MTOR: variants seen among roughly 807,000 people sequenced by gnomAD.
The protein encoded by MTOR is serine/threonine-protein kinase mTOR.
Under a neutral mutation model 319.8 loss-of-function variants are expected in MTOR, and 70 were observed. The ratio of observed to expected loss-of-function variants is 0.22; its 90% CI spans 0.18 to 0.27. The LOEUF is 0.27. MTOR is among the 10% of genes least tolerant of loss of function. The pLI is 1.00. For synonymous variants in MTOR, 1,183 were observed against 1,211.4 expected (o/e 0.98, Z 0.49); for missense variants, 1,890 against 3,274.4 (o/e 0.58, Z 10.32).
rs145398961 is a variant in MTOR at position 11,114,430 on chromosome 1, G to A, written c.7188C>T (p.Tyr2396=). ...CCATCACTGTGTGGCATGTGATTCTGTAGTTGCCATCCAGGCCTGTAACCT... is the reference window on the plus strand; with the variant it reads ...CCATCACTGTGTGGCATGTGATTCTATAGTTGCCATCCAGGCCTGTAACCT... The part of the protein sequence containing the change: ...AMEVTGLDGN[Y]RITCHTVMEV... The change falls in exon 53 of 58, where the codon TAC becomes TAT. Residue 2396 remains tyrosine, a synonymous_variant. Coordinates refer to ENST00000361445, the MANE Select transcript of MTOR (RefSeq NM_004958.4). 1.1e-5 allele frequency: 17 copies of A among 1,614,050 alleles called. No homozygotes were observed. The highest frequency in any genetic ancestry group is 6.7e-5 in the Admixed American group (4 of 60,002).
At chr1:11,187,002 T>A (rs1285238486) in intron 28 of MTOR, among the ~76,000 whole-genome samples, 2 of 152,178 alleles carry the variant, frequency 1.3e-5, no homozygotes, top group Non-Finnish European at 2.9e-5. Context: ...ATGCTTCCAA[T>A]ACAAACTTAC....
rs577414101 is a variant in MTOR at position 11,196,859 on chromosome 1, AAAAAG to A, written c.4253+2394_4253+2398del. 1.1e-4 allele frequency among the ~76,000 whole-genome samples: 17 copies of A among 151,802 alleles called. No homozygotes were observed. In the South Asian group the frequency reaches 1.7e-3, roughly 15 times the overall value. On this transcript the variant is annotated intron_variant, in intron 28 of 57. Transcript: ENST00000361445. ...GAGCGCGACTCCATCTAAAAAAAAA[AAAAAG>A]AAAAGAAAAGAAAAGAAATAGCTGA... is the stretch of plus-strand genomic sequence containing the variant.
At chr1:11,135,441 G>A (rs926263855) in intron 36 of MTOR, among the ~76,000 whole-genome samples, 2 of 152,212 alleles carry the variant, frequency 1.3e-5, no homozygotes, top group Non-Finnish European at 2.9e-5. Context: ...AAGAGGCAAT[G>A]TGTTCTGTGC....
chr1:11,146,669 T>C lies in MTOR; in HGVS notation c.4686+7A>G, dbSNP rs749441895. On this transcript the variant is annotated splice_region_variant and intron_variant, in intron 32 of 57. Coordinates refer to ENST00000361445, the MANE Select transcript of MTOR (RefSeq NM_004958.4). ...ACTGAGAGATCTGGGTGCATGTAGGTTTTTACCTGTTGTGCCAAGGAGAAG... is the reference window on the plus strand; with the variant it reads ...ACTGAGAGATCTGGGTGCATGTAGGCTTTTACCTGTTGTGCCAAGGAGAAG... The C allele has an allele frequency of 1.2e-6, 2 of 1,611,680 alleles. No individual in the cohort carries two copies. The highest frequency in any genetic ancestry group is 4.5e-5 in the East Asian group (2 of 44,856).
intron 29 of MTOR, among the ~76,000 whole-genome samples, chr1:11,162,649 A>T (rs921248193): frequency 1.3e-5 from 2 of 152,236 alleles, no homozygotes; most frequent in Non-Finnish European, 2.9e-5. Context: ...TAAAGAGAAG[A>T]ATTTTCAACC....
chr1:11,147,936 G>T lies in MTOR; in HGVS notation c.4571-1145C>A, dbSNP rs554370624. 2.6e-5 allele frequency among the ~76,000 whole-genome samples: 4 copies of T among 152,340 alleles called. No individual in the cohort carries two copies. In the South Asian group the frequency reaches 8.3e-4, roughly 32 times the overall value. On this transcript the variant is annotated intron_variant, in intron 31 of 57. Coordinates refer to ENST00000361445, the MANE Select transcript of MTOR (RefSeq NM_004958.4). ...CTGGGAGTAGGAGTGAGGTGGGTAA[G>T]AATTGGGCAGCAAAGAGGAGAATAG...
At chr1:11,213,761 T>G (rs1401713578) in intron 20 of MTOR, among the ~76,000 whole-genome samples, 195 bp from the exon 21 acceptor site, 21 of 152,172 alleles carry the variant, frequency 1.4e-4, no homozygotes, top group Non-Finnish European at 1.6e-4. Flanking sequence ...CTCAATTGCA[T>G]TTCCCCAGAT....
chr1:11,199,737 TC>T lies in MTOR; in HGVS notation c.3945-35del. Reference sequence around the variant, plus strand: ...AGAGAAGGTGGAAAATGGAGAGACCTCCCGTGCCTCTGCCTGCTGCCTCAAA... The same window carrying T: ...AGAGAAGGTGGAAAATGGAGAGACCTCCGTGCCTCTGCCTGCTGCCTCAAA... On this transcript the variant is annotated intron_variant, in intron 26 of 57. Transcript: ENST00000361445. The surrounding 1 kb of genome is among the most constrained non-coding windows in gnomAD (Gnocchi z 4.5). 1 of 1,609,332 alleles carries T rather than the reference TC, an allele frequency of 6.2e-7. No individual in the cohort carries two copies. The highest frequency in any genetic ancestry group is 8.5e-7 in the Non-Finnish European group (1 of 1,177,062).
chr1:11,125,705 G>C (rs190943094), intron 46 of MTOR, among the ~76,000 whole-genome samples: 2 of 149,318 alleles, frequency 1.3e-5, no homozygotes, highest in Non-Finnish European at 3.0e-5. Flanking sequence ...CTCCAGCCTG[G>C]GCAACAGAGT....
intron 49 of MTOR, among the ~76,000 whole-genome samples, chr1:11,117,706 C>T (rs1642244403): frequency 1.3e-5 from 2 of 152,034 alleles, no homozygotes; most frequent in African/African-American, 4.8e-5. Flanking sequence ...CTTGTATTAA[C>T]ACCATGGAAC....
intron 50 of MTOR, among the ~76,000 whole-genome samples, chr1:11,116,297 A>C (rs1642163454): frequency 6.6e-6 from 1 of 152,216 alleles, no homozygotes; most frequent in African/African-American, 2.4e-5. Flanking sequence ...TGAATCAATA[A>C]AATCAATATG....
chr1:11,226,655 T>G (rs1426119001), intron 19 of MTOR, among the ~76,000 whole-genome samples: 2 of 151,950 alleles, frequency 1.3e-5, no homozygotes, highest in African/African-American at 4.8e-5. Context: ...ATGCCTGTAG[T>G]CCCAGCTACT....
In MTOR at chr1:11,124,568, C is replaced by T. The variant is rs2100382099; in HGVS notation, c.6592G>A (p.Val2198Met). Residue 2198 changes from valine (V) to methionine (M), a missense_variant, in exon 47 of 58, where the codon GTG becomes ATG. This residue lies in a region of MTOR where 249 missense variants were observed against 596.2 expected (regional missense o/e 0.42). Transcript: ENST00000361445. Reference sequence around the variant, plus strand: ...TTAACCAGGCCGAAGAGCTGCATCACACGCTCATCCTGGCGCAGATCTTCA... The same window carrying T: ...TTAACCAGGCCGAAGAGCTGCATCATACGCTCATCCTGGCGCAGATCTTCA... ...GHEDLRQDER[V>M]MQLFGLVNTL... 1 of 1,613,296 alleles carries T rather than the reference C, an allele frequency of 6.2e-7. No homozygotes were observed. The highest frequency in any genetic ancestry group is 8.5e-7 in the Non-Finnish European group (1 of 1,179,256).
chr1:11,198,068 C>T (rs61773696), intron 28 of MTOR, among the ~76,000 whole-genome samples: 1,599 of 152,264 alleles, frequency 0.011, 38 homozygotes, highest in African/African-American at 0.037. Flanking sequence ...AGGTCTCAAA[C>T]AGGTGAGCAA....
chr1:11,114,330 T>A lies in MTOR; in HGVS notation c.7288A>T (p.Arg2430Trp). The A allele has an allele frequency of 6.2e-7, 1 of 1,614,060 alleles. No homozygotes were observed. Residue 2430 changes from arginine to tryptophan, a missense_variant, in exon 53 of 58, where the codon AGG becomes TGG. By Grantham distance (101) the Arg-to-Trp change is moderately radical. Transcript: ENST00000361445. ...TGATGATACTCACTGTCCATCAGCC[T>A]CCAGTTCAGCAAGGGGTCATAGACA... is the stretch of plus-strand genomic sequence containing the variant. ...AFVYDPLLNW[R>W]LMDTNTKGNK...
intron 28 of MTOR, chr1:11,194,786 T>C (rs12143172): frequency 0.037 from 59,244 of 1,600,868 alleles, 1,953 homozygotes; most frequent in South Asian, 0.11. Flanking sequence ...ACCCTGGCTC[T>C]AACTCCTTAC....
intron 47 of MTOR, among the ~76,000 whole-genome samples, chr1:11,123,320 C>T (rs1642640799): frequency 6.6e-6 from 1 of 151,904 alleles, no homozygotes; most frequent in African/African-American, 2.4e-5. Flanking sequence ...ACAGTTGCCC[C>T]ATCACAGCTC....
Position 11,212,183 on chromosome 1 carries a change from GA to G in MTOR, c.3561+128del, listed in dbSNP as rs542129140. On this transcript the variant is annotated intron_variant, in intron 23 of 57. Transcript: ENST00000361445. This position sits in a 1 kb window ranked among gnomAD's most constrained non-coding sequence, Gnocchi z 4.1. The stretch of plus-strand genomic sequence containing the variant: ...TAAATGTTTGCTGAACACATGAAAA[GA>G]AAAAAAGCAAGTAATTCCACGTTCT... The G allele has an allele frequency of 4.1e-6, 5 of 1,221,526 alleles. No homozygotes were observed. Among genetic ancestry groups the G allele is most frequent in the African/African-American group, 1.5e-5 (1 of 65,928 alleles). The allele number at this position is 1,221,526 out of a possible 1,614,324, so 75.7% of individuals were successfully genotyped here. A position where few individuals can be genotyped will look rare whatever the true frequency, so the allele number is the denominator to read the frequency against.
At chr1:11,152,040 T>C (rs1489096698) in intron 30 of MTOR, among the ~76,000 whole-genome samples, 1 of 152,332 alleles carries the variant, frequency 6.6e-6, no homozygotes, top group African/African-American at 2.4e-5. Flanking sequence ...AGCAGTGAAC[T>C]TCGCACGGCC....
Sources: allele counts gnomAD v4.1 joint callset (sites outside exome capture counted in the v4.1 genomes callset), GRCh38; gene constraint gnomAD v4.1.1; regional missense constraint gnomAD v4.1.1; non-coding constraint Gnocchi (gnomAD v3.1); transcripts MANE v1.5; gene names NCBI Gene and HGNC (gene_info 2026-07-23, HGNC 2026-07-21).